Variants in GTF3C1 observed in about 807,000 individuals in gnomAD.
The protein encoded by GTF3C1 is general transcription factor IIIC subunit 1, also known as general transcription factor 3C polypeptide 1.
GTF3C1 carries 57 observed loss-of-function variants against 226.7 expected under a neutral mutation model. The observed-to-expected ratio is 0.25, with a 90% CI of 0.20 to 0.31. The LOEUF (loss-of-function observed/expected upper bound fraction) is 0.31. Ranked by LOEUF, GTF3C1 falls within the 10% of genes least tolerant of loss-of-function variation. GTF3C1 has a pLI of 1.00. For synonymous variants in GTF3C1, 1,090 were observed against 1,084.8 expected (o/e 1.00, Z -0.09); for missense variants, 2,217 against 2,776.1 (o/e 0.80, Z 4.53).
intron 2 of GTF3C1, among the ~76,000 whole-genome samples, chr16:27,541,758 G>C (rs2089087478): frequency 6.6e-6 from 1 of 152,174 alleles, no homozygotes; most frequent in African/African-American, 2.4e-5. Context: ...GCAGTGCAGA[G>C]TGAAGAAACT....
intron 5 of GTF3C1, among the ~76,000 whole-genome samples, chr16:27,529,624 T>C (rs1326975684): frequency 6.6e-6 from 1 of 152,116 alleles, no homozygotes; most frequent in African/African-American, 2.4e-5. Context: ...CTTTTAAAAT[T>C]GATACAATGT....
chr16:27,513,267 AGCACAG>A (rs1304468065), intron 6 of GTF3C1, among the ~76,000 whole-genome samples: 1 of 152,170 alleles, frequency 6.6e-6, no homozygotes, highest in African/African-American at 2.4e-5. Context: ...CAGCCTTGGC[AGCACAG>A]CAAGACCCAA....
chr16:27,542,819 A>G (rs1457908513), intron 2 of GTF3C1, among the ~76,000 whole-genome samples: 1 of 152,206 alleles, frequency 6.6e-6, no homozygotes, highest in Non-Finnish European at 1.5e-5. Context: ...GCTATAAGGC[A>G]GCACGTAAGT....
rs768711825 is a variant in GTF3C1 at position 27,464,660 on chromosome 16, G to A, written c.5532C>T (p.Asp1844=). The part of the protein sequence containing the change: ...ARPLEGSSSE[D]SPPEGQAPPS... ...GAGGTGCCTGCCCCTCGGGGGGGCT[G>A]TCCTCACTGGAAGACCCCTCCAGGG... The change falls in exon 34 of 37, where the codon GAC becomes GAT. Residue 1844 remains aspartate, a synonymous_variant. Coordinates refer to ENST00000356183, the MANE Select transcript of GTF3C1 (RefSeq NM_001520.4). 6.5e-7 allele frequency: 1 copy of A among 1,540,280 alleles called. No individual in the cohort carries two copies. The highest frequency in any genetic ancestry group is 1.4e-5 in the African/African-American group (1 of 71,606).
chr16:27,525,530 C>T (rs749071141), intron 6 of GTF3C1, among the ~76,000 whole-genome samples: 2 of 152,242 alleles, frequency 1.3e-5, no homozygotes, highest in Non-Finnish European at 2.9e-5. Flanking sequence ...CTCCACAAGA[C>T]TTTTCTCAGA....
chr16:27,543,508 A>T (rs2089119579), intron 2 of GTF3C1, among the ~76,000 whole-genome samples: 1 of 152,210 alleles, frequency 6.6e-6, no homozygotes, highest in African/African-American at 2.4e-5. Context: ...CCCCCATCGC[A>T]GTCTCCCAAG....
intron 1 of GTF3C1, among the ~76,000 whole-genome samples, chr16:27,547,581 T>C (rs1296889927): frequency 6.6e-6 from 1 of 152,212 alleles, no homozygotes; most frequent in Non-Finnish European, 1.5e-5. Context: ...AGACCATGAC[T>C]AGATTACTAA....
rs142565905 is a variant in GTF3C1 at position 27,465,407 on chromosome 16, G to A, written c.5208C>T (p.Pro1736=). The A allele has an allele frequency of 1.6e-4, 265 of 1,613,954 alleles. No individual in the cohort carries two copies. The highest frequency in any genetic ancestry group is 1.8e-4 in the Admixed American group (11 of 60,006). ...VLQLELSGYS[P]EDLTAALEIL... ...TCTCCAAGGCAGCAGTCAGGTCTTCGGGACTATACCCAGACAGCTCCAGCT... is the reference window on the plus strand; with the variant it reads ...TCTCCAAGGCAGCAGTCAGGTCTTCAGGACTATACCCAGACAGCTCCAGCT... Residue 1736 remains proline (P), a synonymous_variant, in exon 33 of 37, where the codon CCC becomes CCT. Coordinates refer to ENST00000356183, the MANE Select transcript of GTF3C1 (RefSeq NM_001520.4).
chr16:27,508,788 T>C (rs1203971736), intron 7 of GTF3C1, 133 bp from the exon 8 acceptor site: 2 of 658,062 alleles, frequency 3.0e-6, no homozygotes, highest in Non-Finnish European at 5.3e-6. Context: ...ATACGCCATT[T>C]CTCTCCCTTA....
Position 27,545,472 on chromosome 16 carries a change from C to T in GTF3C1, c.273G>A (p.Pro91=), listed in dbSNP as rs377134355. 78 of 1,612,152 alleles carry T rather than the reference C, an allele frequency of 4.8e-5. No individual in the cohort carries two copies. The South Asian group carries it at 7.7e-4, about 16-fold the overall frequency. ...TGGGGTAGACATCCTCCAAAGCCAC[C>T]GGGTCCCTCCTAGACTCCAAAATTC... ...ETGILESRRD[P]VALEDVYPIH... is the part of the protein sequence containing the mutation. Residue 91 remains proline (P), a synonymous_variant, in exon 2 of 37, where the codon CCG becomes CCA. Transcript: ENST00000356183.
At chr16:27,490,004 A>C (rs555420401) in intron 19 of GTF3C1, among the ~76,000 whole-genome samples, 99 of 152,376 alleles carry the variant, frequency 6.5e-4, no homozygotes, top group Admixed American at 1.1e-3. Flanking sequence ...CACTGAAGAC[A>C]GAAGGCAGGC....
intron 25 of GTF3C1, 38 bp downstream of exon 25, chr16:27,484,173 A>G (rs2088099034): frequency 1.3e-6 from 2 of 1,499,770 alleles, no homozygotes; most frequent in Non-Finnish European, 1.9e-6. Context: ...GGATAACGTA[A>G]CCGTGTCCCG....
rs1337376238 is a variant in GTF3C1 at position 27,498,808 on chromosome 16, A to T, written c.2062-75T>A. The T allele has an allele frequency of 3.8e-6, 3 of 792,346 alleles. No homozygotes were observed. The African/African-American group carries it at 5.1e-5, about 13-fold the overall frequency. 49.1% of individuals were successfully genotyped at this position (792,346 alleles called of 1,614,324 possible). ...AGACTTGGCTCCACAGTCGATTCCT[A>T]GTGGAACCTCAGTCATACCTGTTTT... On this transcript the variant is annotated intron_variant, in intron 12 of 36. Coordinates refer to ENST00000356183, the MANE Select transcript of GTF3C1 (RefSeq NM_001520.4).
intron 7 of GTF3C1, 122 bp from the exon 8 acceptor site, chr16:27,508,777 C>T: frequency 5.8e-6 from 4 of 694,782 alleles, no homozygotes; most frequent in Non-Finnish European, 1.0e-5. Flanking sequence ...CAGAACAAAA[C>T]ATACGCCATT....
chr16:27,542,337 G>C (rs1044475838), intron 2 of GTF3C1, among the ~76,000 whole-genome samples: 3 of 152,210 alleles, frequency 2.0e-5, no homozygotes, highest in African/African-American at 7.2e-5. Flanking sequence ...AAGGTAGGCA[G>C]ATCACCTGAG....
At chr16:27,508,198 A>G (rs2088516376) in intron 8 of GTF3C1, among the ~76,000 whole-genome samples, 1 of 152,194 alleles carries the variant, frequency 6.6e-6, no homozygotes, top group Non-Finnish European at 1.5e-5. Context: ...TTTAGTAGAG[A>G]TAGGGTTTCA....
rs1335827133 is a variant in GTF3C1, at chr16:27,471,971, G to A, written c.4354-51C>T. 1.3e-6 allele frequency: 2 copies of A among 1,541,336 alleles called. No homozygotes were observed. Among genetic ancestry groups the A allele is most frequent in the Non-Finnish European group, 1.8e-6 (2 of 1,116,318 alleles). On this transcript the variant is annotated intron_variant, in intron 29 of 36. Transcript: ENST00000356183. This position sits in a 1 kb window ranked among gnomAD's most constrained non-coding sequence, Gnocchi z 5.0. ...GTAGGGTTCTCCAGCCGGCCACGGAGAGGGCTGGGGTATGTGGAGGCAGAG... is the reference window on the plus strand; with the variant it reads ...GTAGGGTTCTCCAGCCGGCCACGGAAAGGGCTGGGGTATGTGGAGGCAGAG...
chr16:27,463,705 A>T lies in GTF3C1; in HGVS notation c.5873-113T>A. On this transcript the variant is annotated intron_variant, in intron 34 of 36. Transcript: ENST00000356183. The surrounding 1 kb of genome is among the most constrained non-coding windows in gnomAD (Gnocchi z 4.9). ...AGCAGGGCACCTCGAGGCTCAGGGG[A>T]TGAAGTGTCAAAAAAAAAGGACAAT... 1 of 749,218 alleles carries T rather than the reference A, an allele frequency of 1.3e-6. No individual in the cohort carries two copies. Among genetic ancestry groups the T allele is most frequent in the Non-Finnish European group, 2.4e-6 (1 of 412,444 alleles). 46.4% of individuals were successfully genotyped at this position (749,218 alleles called of 1,614,324 possible).
chr16:27,501,724 G>A (rs2088407316), intron 11 of GTF3C1, among the ~76,000 whole-genome samples: 1 of 152,210 alleles, frequency 6.6e-6, no homozygotes, highest in Non-Finnish European at 1.5e-5. Flanking sequence ...CCTAAGATCT[G>A]AAGTGCATTT....
Sources: allele counts gnomAD v4.1 joint callset (sites outside exome capture counted in the v4.1 genomes callset), GRCh38; gene constraint gnomAD v4.1.1; non-coding constraint Gnocchi (gnomAD v3.1); transcripts MANE v1.5; gene names NCBI Gene and HGNC (gene_info 2026-07-23, HGNC 2026-07-21).